Variants in CDH26 observed in about 807,000 individuals in gnomAD.
CDH26 encodes cadherin 26, also known as cadherin-like protein 26.
A neutral mutation model predicts 90.3 loss-of-function variants in CDH26; 83 were observed. The ratio of observed to expected loss-of-function variants is 0.92; its 90% CI spans 0.77 to 1.10. The LOEUF (loss-of-function observed/expected upper bound fraction) is 1.10, where lower values mean the gene tolerates loss of function less well. CDH26 is among the 50% of genes least tolerant of loss of function. The probability of loss-of-function intolerance (pLI) is 0.00; values close to 1 mark genes in which losing one functional copy is unlikely to be tolerated. For synonymous variants in CDH26, 397 were observed against 396.3 expected, an observed-to-expected ratio of 1.00 and a Z score of -0.02; for missense variants, 1,013 against 1,037.6, an observed-to-expected ratio of 0.98 and a Z score of 0.33.
Position 59,984,740 on chromosome 20 carries a change from GA to G in CDH26, c.646del (p.Ser216ValfsTer18). 6.2e-7 allele frequency: 1 copy of G among 1,613,968 alleles called. No homozygotes were observed. Among genetic ancestry groups the G allele is most frequent in the Non-Finnish European group, 8.5e-7 (1 of 1,179,928 alleles). ...CATTTCTCAAACACCATTACTGAAA[GA>G]AAGTGGTTTCCGGGTTGATCGCCTT... ...FLISQTPLLK[E>X]SGFRVDRLSG... On this transcript the variant is annotated frameshift_variant, in exon 6 of 18. Coordinates refer to ENST00000348616, the MANE Select transcript of CDH26 (RefSeq NM_177980.4). LOFTEE classifies it high-confidence loss of function.
At chr20:59,970,703 G>A (rs937041676) in intron 3 of CDH26, among the ~76,000 whole-genome samples, 1 of 151,528 alleles carries the variant, frequency 6.6e-6, no homozygotes, top group African/African-American at 2.4e-5. Context: ...CCAGCTGCTC[G>A]GGAGGCTGAG....
At chr20:60,027,905 C>T (rs776788849) in intron 7 of CDH26, among the ~76,000 whole-genome samples, 5 of 152,228 alleles carry the variant, frequency 3.3e-5, no homozygotes, top group African/African-American at 1.2e-4. Flanking sequence ...GATTCACATG[C>T]ATTTGTAACA....
At chr20:59,993,793 C>G (rs768298137) in intron 10 of CDH26, among the ~76,000 whole-genome samples, 133 of 152,290 alleles carry the variant, frequency 8.7e-4, no homozygotes, top group Non-Finnish European at 9.6e-4. Context: ...TCTAGTGGAT[C>G]CTGAGTATCC....
intron 16 of CDH26, among the ~76,000 whole-genome samples, 165 bp from the exon 17 acceptor site, chr20:60,006,548 A>G (rs550991146): frequency 1.3e-5 from 2 of 152,228 alleles, no homozygotes; most frequent in East Asian, 1.9e-4. Context: ...CTCTCCCCCA[A>G]CACAAAGAGA....
intron 7 of CDH26, among the ~76,000 whole-genome samples, chr20:60,029,893 T>A (rs1359875136): frequency 6.6e-6 from 1 of 151,992 alleles, no homozygotes; most frequent in Non-Finnish European, 1.5e-5. Flanking sequence ...GTAGGTCTCA[T>A]GTCAAGTGTC....
chr20:59,987,619 G>A lies in CDH26; in HGVS notation c.1004G>A (p.Gly335Glu). ...TCGACTGACCCTGAGACCAACGAAG[G>A]GATATTAAATGTTATCAAGGTAACA... Reference protein sequence around the residue: ...DISTDPETNEGILNVIKPLDY... With the variant: ...DISTDPETNEEILNVIKPLDY... Residue 335 changes from glycine (G) to glutamate (E), a missense_variant, in exon 8 of 18, where the codon GGG becomes GAG. Transcript: ENST00000348616. 6.2e-7 allele frequency: 1 copy of A among 1,612,604 alleles called. No individual in the cohort carries two copies. The highest frequency in any genetic ancestry group is 1.1e-5 in the South Asian group (1 of 90,746).
intron 7 of CDH26, among the ~76,000 whole-genome samples, chr20:60,024,220 C>T (rs906542793): frequency 6.6e-6 from 1 of 152,206 alleles, no homozygotes; most frequent in Non-Finnish European, 1.5e-5. Context: ...AAGCAAGAAG[C>T]AAACTGTGAA....
chr20:59,980,820 G>C (rs1001774724), intron 4 of CDH26, among the ~76,000 whole-genome samples: 1 of 152,054 alleles, frequency 6.6e-6, no homozygotes, highest in African/African-American at 2.4e-5. Context: ...TTTTGGTGGT[G>C]TTATCTAACA....
chr20:59,969,161 C>T (rs2061217170), intron 2 of CDH26, 138 bp downstream of exon 2: 5 of 572,324 alleles, frequency 8.7e-6, no homozygotes, highest in Middle Eastern at 3.2e-4. Context: ...TTCATGTGGC[C>T]TTTTAGAATC....
intron 1 of CDH26, among the ~76,000 whole-genome samples, chr20:59,966,249 A>G (rs1299215331): frequency 6.7e-6 from 1 of 149,848 alleles, no homozygotes; most frequent in Non-Finnish European, 1.5e-5. Context: ...AAAAAAAAAA[A>G]AAAAAAAAGT....
At chr20:59,995,416 T>G (rs916326178) in intron 11 of CDH26, among the ~76,000 whole-genome samples, 3 of 152,178 alleles carry the variant, frequency 2.0e-5, no homozygotes, top group Non-Finnish European at 4.4e-5. Flanking sequence ...TGAACGTCCC[T>G]GACTGCAGCA....
At chr20:59,971,564 T>A (rs182371145) in intron 3 of CDH26, among the ~76,000 whole-genome samples, 105 of 152,368 alleles carry the variant, frequency 6.9e-4, no homozygotes, top group African/African-American at 2.5e-3. Context: ...CTGATGTGAA[T>A]CTGCATCCAA....
chr20:59,968,699 A>G (rs1326575721), intron 1 of CDH26, among the ~76,000 whole-genome samples: 2 of 152,204 alleles, frequency 1.3e-5, no homozygotes, highest in African/African-American at 4.8e-5. Flanking sequence ...TGCTTTGTTA[A>G]CTAACAGTAG....
chr20:60,025,807 A>G (rs1240417485), intron 7 of CDH26, among the ~76,000 whole-genome samples: 1 of 152,206 alleles, frequency 6.6e-6, no homozygotes, highest in Non-Finnish European at 1.5e-5. Flanking sequence ...CCCAGCACCT[A>G]GACTGCCAAG....
intron 17 of CDH26, among the ~76,000 whole-genome samples, chr20:60,009,485 G>C (rs571000496): frequency 6.6e-6 from 1 of 152,338 alleles, no homozygotes; most frequent in South Asian, 2.1e-4. Context: ...CAAGTGGACT[G>C]TGTGGACAGT....
Position 59,992,530 on chromosome 20 carries a change from T to C in CDH26, c.1426+10T>C, listed in dbSNP as rs1185587657. On this transcript the variant is annotated intron_variant, in intron 10 of 17. Transcript: ENST00000348616. The surrounding 1 kb of genome is among the most constrained non-coding windows in gnomAD (Gnocchi z 5.0). ...CACGCTGTTGATGATGGTGAGTGTT[T>C]ACCCAAAATTGGAAAAATAAAATGC... 6.2e-7 allele frequency: 1 copy of C among 1,612,918 alleles called. No individual in the cohort carries two copies.
chr20:60,027,517 C>G lies in CDH26; in HGVS notation c.948-3714C>G, dbSNP rs1383444101. Among the ~76,000 whole-genome samples, 3 of 152,128 alleles carry G rather than the reference C, an allele frequency of 2.0e-5. No homozygotes were observed. In the East Asian group the frequency reaches 5.8e-4, roughly 29 times the overall value. On this transcript the variant is annotated intron_variant, in intron 7 of 8. Transcript: ENST00000370991. ...GATGTGTTTCAAAGTAAGTTGCAGACATCAGTATACTTTACCCCTAAATAC... is the reference window on the plus strand; with the variant it reads ...GATGTGTTTCAAAGTAAGTTGCAGAGATCAGTATACTTTACCCCTAAATAC...
Position 60,029,452 on chromosome 20 carries a change from A to G in CDH26, c.948-1779A>G, listed in dbSNP as rs148434054. ...ACATAGCACCTATAGTCAACAACGT[A>G]GCATCTATAGTCAACAATGCACTTC... On this transcript the variant is annotated intron_variant, in intron 7 of 8. Coordinates refer to the CDH26 transcript ENST00000370991. 4.4e-3 allele frequency among the ~76,000 whole-genome samples: 665 copies of G among 152,302 alleles called. 3 individuals are homozygous for G. The highest frequency in any genetic ancestry group is 0.017 in the Middle Eastern group (5 of 294).
intron 15 of CDH26, among the ~76,000 whole-genome samples, chr20:60,001,775 T>G (rs920383545): frequency 1.3e-5 from 2 of 152,266 alleles, no homozygotes; most frequent in African/African-American, 4.8e-5. Flanking sequence ...AGTGACTGCA[T>G]GCTTCCAGCG....
Sources: allele counts gnomAD v4.1 joint callset (sites outside exome capture counted in the v4.1 genomes callset), GRCh38; gene constraint gnomAD v4.1.1; non-coding constraint Gnocchi (gnomAD v3.1); transcripts MANE v1.5; gene names NCBI Gene and HGNC (gene_info 2026-07-23, HGNC 2026-07-21).